Variants in LRRC28 observed in about 807,000 individuals in gnomAD.
The protein encoded by LRRC28 is leucine-rich repeat-containing protein 28.
LRRC28 carries 39 observed loss-of-function variants against 45.7 expected under a neutral mutation model. The ratio of observed to expected loss-of-function variants is 0.85; its 90% CI spans 0.66 to 1.12. LRRC28 has a LOEUF of 1.12. LRRC28 is among the 50% of genes most tolerant of loss of function. LRRC28 has a pLI of 0.00. For synonymous variants in LRRC28, 206 were observed against 178.8 expected, an observed-to-expected ratio of 1.15 and a Z score of -1.22; for missense variants, 435 against 438.5, an observed-to-expected ratio of 0.99 and a Z score of 0.07.
chr15:99,343,701 G>A (rs530935233), intron 6 of LRRC28, among the ~76,000 whole-genome samples: 17 of 152,262 alleles, frequency 1.1e-4, no homozygotes, highest in Non-Finnish European at 2.2e-4. Context: ...TGTATCTATT[G>A]TAAGGTATCG....
At chr15:99,305,723 T>C (rs1276163867) in intron 5 of LRRC28, among the ~76,000 whole-genome samples, 1 of 152,208 alleles carries the variant, frequency 6.6e-6, no homozygotes, top group East Asian at 1.9e-4. Context: ...TATTTTTCCT[T>C]CTATATTTTT....
intron 6 of LRRC28, among the ~76,000 whole-genome samples, chr15:99,343,357 A>G (rs911120947): frequency 2.0e-5 from 3 of 152,224 alleles, no homozygotes; most frequent in Non-Finnish European, 4.4e-5. Flanking sequence ...CAGTATGGTT[A>G]AAAGGGCAGT....
At chr15:99,324,094 G>A (rs760979130) in intron 5 of LRRC28, among the ~76,000 whole-genome samples, 7 of 152,110 alleles carry the variant, frequency 4.6e-5, no homozygotes, top group Non-Finnish European at 8.8e-5. Context: ...AAGACCCCCC[G>A]TGGGTGCCTA....
chr15:99,293,443 A>AC (rs1385069023), intron 5 of LRRC28, among the ~76,000 whole-genome samples: 1 of 151,740 alleles, frequency 6.6e-6, no homozygotes, highest in Non-Finnish European at 1.5e-5. Context: ...AAAATACAAA[A>AC]TTAGCCAGGC....
Position 99,276,572 on chromosome 15 carries a change from T to G in LRRC28, c.169-4T>G. ...AAATTTAATTCTGAGTTTTTAATTT[T>G]CAGCCAGAAAACCTTGCTCAGAAGC... On this transcript the variant is annotated splice_polypyrimidine_tract_variant and splice_region_variant and intron_variant, in intron 2 of 9. Coordinates refer to ENST00000301981, the MANE Select transcript of LRRC28 (RefSeq NM_144598.5). 6.5e-7 allele frequency: 1 copy of G among 1,541,464 alleles called. No individual in the cohort carries two copies. The highest frequency in any genetic ancestry group is 8.7e-7 in the Non-Finnish European group (1 of 1,152,418).
chr15:99,346,435 A>G (rs148183974), intron 6 of LRRC28, among the ~76,000 whole-genome samples: 162 of 152,338 alleles, frequency 1.1e-3, no homozygotes, highest in African/African-American at 3.5e-3. Flanking sequence ...TTTATGATAA[A>G]TTACATTTTA....
At chr15:99,303,356 G>C (rs765520263) in intron 5 of LRRC28, among the ~76,000 whole-genome samples, 1 of 152,082 alleles carries the variant, frequency 6.6e-6, no homozygotes, top group Non-Finnish European at 1.5e-5. Context: ...TATTGTAAGA[G>C]TTCTTTATGT....
chr15:99,328,315 T>C (rs1363448918), intron 5 of LRRC28, among the ~76,000 whole-genome samples: 1 of 152,160 alleles, frequency 6.6e-6, no homozygotes, highest in East Asian at 1.9e-4. Flanking sequence ...ACGCCTAACA[T>C]ATAAAATTCT....
rs1043337645 is a variant in LRRC28 at position 99,257,951 on chromosome 15, G to A, written c.168+1826G>A. On this transcript the variant is annotated intron_variant, in intron 2 of 9. Coordinates refer to ENST00000301981, the MANE Select transcript of LRRC28 (RefSeq NM_144598.5). Reference sequence around the variant, plus strand: ...TTTTCCTTAGAGAACTGATTCTGACGCTTTAGTTAAGATAAGGCTGATATC... The same window carrying A: ...TTTTCCTTAGAGAACTGATTCTGACACTTTAGTTAAGATAAGGCTGATATC... The A allele has an allele frequency of 2.2e-4, 170 of 781,106 alleles. 1 individual carries two copies. Among genetic ancestry groups the A allele is most frequent in the African/African-American group, 6.8e-5 (4 of 58,436 alleles). The allele number at this position is 781,106 out of a possible 1,614,324, so 48.4% of individuals were successfully genotyped here. A position where few individuals can be genotyped will look rare whatever the true frequency, so the allele number is the denominator to read the frequency against.
intron 9 of LRRC28, among the ~76,000 whole-genome samples, chr15:99,369,674 A>C (rs1567704224): frequency 6.6e-6 from 1 of 152,236 alleles, no homozygotes; most frequent in Non-Finnish European, 1.5e-5. Flanking sequence ...AATATTAATC[A>C]TATCTTTAAA....
chr15:99,366,231 G>C (rs1217141377), intron 9 of LRRC28, among the ~76,000 whole-genome samples: 1 of 152,156 alleles, frequency 6.6e-6, no homozygotes, highest in African/African-American at 2.4e-5. Flanking sequence ...CTGTGAGGGA[G>C]GGATCTGTTC....
chr15:99,354,286 A>AC (rs1240882693), intron 7 of LRRC28, among the ~76,000 whole-genome samples: 1 of 152,244 alleles, frequency 6.6e-6, no homozygotes, highest in Non-Finnish European at 1.5e-5. Flanking sequence ...TTACAATAAT[A>AC]CTTCTATGGC....
rs929798695 is a variant in LRRC28 at position 99,387,176 on chromosome 15, T to G, written c.*1074T>G. The G allele has an allele frequency of 6.8e-6, 1 of 147,142 alleles. No homozygotes were observed. The highest frequency in any genetic ancestry group is 6.9e-5 in the Admixed American group (1 of 14,552). 9.1% of individuals were successfully genotyped at this position (147,142 alleles called of 1,614,324 possible). A position where few individuals can be genotyped will look rare whatever the true frequency, so the allele number is the denominator to read the frequency against. Reference sequence around the variant, plus strand: ...CCCGGGTTCACGCCATTCTCCTGCCTCAGCCTCCCAAGTAGCTGGGACCAC... The same window carrying G: ...CCCGGGTTCACGCCATTCTCCTGCCGCAGCCTCCCAAGTAGCTGGGACCAC... On this transcript the variant is annotated 3_prime_UTR_variant, in exon 10 of 10. Transcript: ENST00000301981.
At chr15:99,379,042 T>C (rs1450537347) in intron 9 of LRRC28, among the ~76,000 whole-genome samples, 1 of 151,866 alleles carries the variant, frequency 6.6e-6, no homozygotes, top group Non-Finnish European at 1.5e-5. Context: ...ATCAGGATGA[T>C]GCTGGCCTCA....
intron 9 of LRRC28, among the ~76,000 whole-genome samples, chr15:99,382,149 C>T (rs1161163615): frequency 6.6e-6 from 1 of 152,242 alleles, no homozygotes; most frequent in Non-Finnish European, 1.5e-5. Context: ...CAGAGGTAGG[C>T]AGGCCTCCTT....
At chr15:99,331,109 CA>C (rs1283296552) in intron 5 of LRRC28, among the ~76,000 whole-genome samples, 2 of 151,718 alleles carry the variant, frequency 1.3e-5, no homozygotes, top group Non-Finnish European at 1.5e-5. Flanking sequence ...TACAATAACG[CA>C]AAAAAAGTGC....
At chr15:99,356,088 T>C (rs1957040210) in intron 7 of LRRC28, among the ~76,000 whole-genome samples, 1 of 152,220 alleles carries the variant, frequency 6.6e-6, no homozygotes, top group South Asian at 2.1e-4. Context: ...TAGTTGTTGT[T>C]AAAACAAAAA....
At chr15:99,257,320 A>G (rs2081051062) in intron 2 of LRRC28, among the ~76,000 whole-genome samples, 1 of 152,228 alleles carries the variant, frequency 6.6e-6, no homozygotes. Context: ...ATCCCGTGCT[A>G]TGAAACCATA....
chr15:99,287,156 C>A, intron 3 of LRRC28, 101 bp from the exon 4 acceptor site: 1 of 970,284 alleles, frequency 1.0e-6, no homozygotes, highest in Non-Finnish European at 1.5e-6. Flanking sequence ...AAGTTGTGGC[C>A]TATTTATATT....
Sources: gnomAD v4.1 joint callset for allele counts (sites outside exome capture counted in the v4.1 genomes callset) on GRCh38, gnomAD v4.1.1 for gene constraint, MANE v1.5 for transcripts, NCBI Gene and HGNC (gene_info 2026-07-23, HGNC 2026-07-21) for gene names.